The following NRG1 variants were observed in gnomAD, a reference collection of about 807,000 sequenced individuals.
NRG1 encodes pro-neuregulin-1, membrane-bound isoform.
Under a neutral mutation model 63.8 loss-of-function variants are expected in NRG1, and 18 were observed. The observed-to-expected ratio is 0.28, with a 90% CI of 0.19 to 0.42. The LOEUF (loss-of-function observed/expected upper bound fraction) is 0.42, where lower values mean the gene tolerates loss of function less well. Among genes scored for constraint, NRG1 ranks in the 10% least tolerant of loss-of-function variants. NRG1 has a pLI of 1.00. For missense variants in NRG1, 762 were observed against 814.7 expected, an observed-to-expected ratio of 0.94 and a Z score of 0.79; for synonymous variants, 302 against 301.3, an observed-to-expected ratio of 1.00 and a Z score of -0.02.
At chr8:32,704,840 G>C (rs977611385) in intron 5 of NRG1, among the ~76,000 whole-genome samples, 15 of 152,128 alleles carry the variant, frequency 9.9e-5, no homozygotes, top group African/African-American at 3.6e-4. Context: ...GCATTCATCT[G>C]CTGATGGCCA....
At chr8:32,714,355 A>AG (rs1330870234) in intron 5 of NRG1, among the ~76,000 whole-genome samples, 4 of 152,382 alleles carry the variant, frequency 2.6e-5, no homozygotes, top group African/African-American at 9.6e-5. Flanking sequence ...AAAGAATAAA[A>AG]TGGTATTTTT....
chr8:31,660,893 A>G (rs1249773687), intron 1 of NRG1, among the ~76,000 whole-genome samples: 1 of 152,162 alleles, frequency 6.6e-6, no homozygotes, highest in East Asian at 1.9e-4. Flanking sequence ...TTTTAAATTC[A>G]TTTATAATTG....
At chr8:32,021,771 C>T (rs1044517075) in intron 1 of NRG1, among the ~76,000 whole-genome samples, 7 of 152,278 alleles carry the variant, frequency 4.6e-5, no homozygotes, top group Admixed American at 3.9e-4. Context: ...CATGGACATA[C>T]AACATTTACC....
At chr8:31,835,394 A>G (rs1434238098) in intron 1 of NRG1, among the ~76,000 whole-genome samples, 19 of 152,198 alleles carry the variant, frequency 1.2e-4, no homozygotes, top group Admixed American at 1.1e-3. Context: ...GTTTGAGAAC[A>G]TGTAGTTTGT....
chr8:32,276,455 C>A (rs946565819), intron 1 of NRG1, among the ~76,000 whole-genome samples: 4 of 152,114 alleles, frequency 2.6e-5, no homozygotes, highest in Non-Finnish European at 5.9e-5. Flanking sequence ...TATTGATGGA[C>A]ACTTAGATTA....
In NRG1 at chr8:31,837,267, G is replaced by A. The variant is rs183106207; in HGVS notation, c.37+197836G>A. 3.5e-4 allele frequency among the ~76,000 whole-genome samples: 53 copies of A among 152,028 alleles called. 1 individual carries two copies. The East Asian group carries it at 9.8e-3, about 28-fold the overall frequency. On this transcript the variant is annotated intron_variant, in intron 1 of 10. Coordinates refer to the NRG1 transcript ENST00000519301. ...TATAAATTTTTACATAAACAGATAT[G>A]CCAATCTTTCCTTTTATAGCTTCTG...
At chr8:31,785,969 T>C (rs1402915567) in intron 1 of NRG1, among the ~76,000 whole-genome samples, 1 of 152,198 alleles carries the variant, frequency 6.6e-6, no homozygotes, top group Non-Finnish European at 1.5e-5. Context: ...GAAAAATAAT[T>C]ATTCACAGCG....
At chr8:31,765,799 A>G (rs1818001496) in intron 1 of NRG1, among the ~76,000 whole-genome samples, 1 of 152,212 alleles carries the variant, frequency 6.6e-6, no homozygotes, top group Admixed American at 6.5e-5. Context: ...TCAGGCCAGG[A>G]TTTTACTCCT....
intron 1 of NRG1, among the ~76,000 whole-genome samples, chr8:32,340,440 G>A (rs897633342): frequency 6.6e-6 from 1 of 152,136 alleles, no homozygotes; most frequent in Admixed American, 6.5e-5. Flanking sequence ...CTCGATTTCT[G>A]TCTCTTTCCA....
chr8:31,855,360 T>C (rs926430724), intron 1 of NRG1, among the ~76,000 whole-genome samples: 1 of 152,190 alleles, frequency 6.6e-6, no homozygotes, highest in Non-Finnish European at 1.5e-5. Flanking sequence ...CCTTTACCAT[T>C]ATGTAATGGC....
At chr8:32,152,740 C>T (rs1372340430) in intron 1 of NRG1, among the ~76,000 whole-genome samples, 1 of 152,158 alleles carries the variant, frequency 6.6e-6, no homozygotes, top group African/African-American at 2.4e-5. Flanking sequence ...AAAAGCATCA[C>T]ATGAATTCAT....
At chr8:31,859,962 A>T (rs761936004) in intron 1 of NRG1, among the ~76,000 whole-genome samples, 51 of 152,218 alleles carry the variant, frequency 3.4e-4, no homozygotes, top group Admixed American at 7.9e-4. Context: ...GCTTAGAAAC[A>T]ACCCCCTCTA....
chr8:32,689,070 G>A (rs1810918378), intron 5 of NRG1, among the ~76,000 whole-genome samples: 1 of 152,148 alleles, frequency 6.6e-6, no homozygotes, highest in African/African-American at 2.4e-5. Context: ...CAAAGGGGTT[G>A]ATATGACTAA....
At chr8:32,085,742 T>G (rs1828118587) in intron 1 of NRG1, among the ~76,000 whole-genome samples, 1 of 152,214 alleles carries the variant, frequency 6.6e-6, no homozygotes, top group South Asian at 2.1e-4. Flanking sequence ...TGGGATTATA[T>G]TGATGATTTT....
intron 5 of NRG1, among the ~76,000 whole-genome samples, chr8:32,709,681 A>T (rs954242294): frequency 2.6e-5 from 4 of 152,088 alleles, no homozygotes; most frequent in African/African-American, 9.7e-5. Flanking sequence ...TCAGCCTCCC[A>T]AAGTGCTGGG....
At chr8:32,343,575 T>G (rs573059979) in intron 1 of NRG1, among the ~76,000 whole-genome samples, 1 of 152,214 alleles carries the variant, frequency 6.6e-6, no homozygotes, top group Non-Finnish European at 1.5e-5. Flanking sequence ...ATAAGCAGAT[T>G]TGCAGAGCCA....
chr8:31,756,337 C>T (rs1228184251), intron 1 of NRG1, among the ~76,000 whole-genome samples: 1 of 152,082 alleles, frequency 6.6e-6, no homozygotes, highest in Non-Finnish European at 1.5e-5. Flanking sequence ...AGGTGACTAG[C>T]AGGAAGCAGG....
chr8:31,711,780 C>T (rs911390092), intron 1 of NRG1, among the ~76,000 whole-genome samples: 31 of 152,168 alleles, frequency 2.0e-4, no homozygotes, highest in African/African-American at 7.5e-4. Flanking sequence ...ACTGGCAGAT[C>T]TGTGTCTGGT....
intron 1 of NRG1, among the ~76,000 whole-genome samples, chr8:32,089,315 A>T (rs1828752705): frequency 6.6e-6 from 1 of 152,202 alleles, no homozygotes; most frequent in Non-Finnish European, 1.5e-5. Flanking sequence ...ACACCTTCTT[A>T]ACCTTTTACT....
Sources: gnomAD v4.1 joint callset for allele counts (sites outside exome capture counted in the v4.1 genomes callset) on GRCh38, gnomAD v4.1.1 for gene constraint, MANE v1.5 for transcripts, NCBI Gene and HGNC (gene_info 2026-07-23, HGNC 2026-07-21) for gene names.